SHANK2: variants seen among roughly 807,000 people sequenced by gnomAD.
SHANK2 encodes the protein SH3 and multiple ankyrin repeat domains protein 2.
In SHANK2, 43 loss-of-function variants were observed where a neutral mutation model predicts 133.7. The observed-to-expected ratio is 0.32, with a 90% CI of 0.25 to 0.41. The LOEUF (loss-of-function observed/expected upper bound fraction) is 0.41. Among genes scored for constraint, SHANK2 ranks in the 10% least tolerant of loss-of-function variants. The pLI, the probability that SHANK2 is intolerant of heterozygous loss-of-function variation, is 1.00. For missense variants in SHANK2, 1,994 were observed against 2,235.8 expected, an observed-to-expected ratio of 0.89 and a Z score of 2.18; for synonymous variants, 1,017 against 952.8, an observed-to-expected ratio of 1.07 and a Z score of -1.24.
At chr11:70,769,218 G>A (rs1947191542) in intron 14 of SHANK2, among the ~76,000 whole-genome samples, 1 of 152,202 alleles carries the variant, frequency 6.6e-6, no homozygotes, top group Non-Finnish European at 1.5e-5. Flanking sequence ...CGGAGCGAGT[G>A]CAGCCCATCA....
At chr11:70,681,796 A>AC (rs1313354936) in intron 15 of SHANK2, among the ~76,000 whole-genome samples, 1 of 151,896 alleles carries the variant, frequency 6.6e-6, no homozygotes, top group Non-Finnish European at 1.5e-5. Context: ...CCACAGAGAA[A>AC]CCCCTTTCTG....
intron 2 of SHANK2, among the ~76,000 whole-genome samples, chr11:71,168,402 T>C (rs1316246932): frequency 1.3e-5 from 2 of 150,852 alleles, no homozygotes; most frequent in Non-Finnish European, 3.0e-5. Context: ...GCAGAGACGC[T>C]CCTCACTTCC....
chr11:71,142,923 G>A (rs1489507532), intron 3 of SHANK2, among the ~76,000 whole-genome samples: 3 of 152,084 alleles, frequency 2.0e-5, no homozygotes, highest in African/African-American at 4.8e-5. Flanking sequence ...CCCCACAGAC[G>A]GGAAATTGTG....
At chr11:71,223,267 C>T (rs1420296753) in intron 2 of SHANK2, among the ~76,000 whole-genome samples, 3 of 152,206 alleles carry the variant, frequency 2.0e-5, no homozygotes, top group Non-Finnish European at 2.9e-5. Context: ...TCCTGCCTGC[C>T]GCGTTTAGGA....
chr11:70,684,138 C>T (rs370395331), intron 15 of SHANK2, among the ~76,000 whole-genome samples: 3 of 152,204 alleles, frequency 2.0e-5, no homozygotes, highest in African/African-American at 4.8e-5. Context: ...AGACCTGGGT[C>T]CCTGTCCCTG....
intron 6 of SHANK2, among the ~76,000 whole-genome samples, chr11:71,101,626 TG>T (rs1478641409): frequency 6.6e-6 from 1 of 152,228 alleles, no homozygotes; most frequent in Non-Finnish European, 1.5e-5. Context: ...CCGTTAGTTC[TG>T]GGGAATCGCA....
chr11:70,787,597 C>T lies in SHANK2; in HGVS notation c.1777+10846G>A, dbSNP rs564660997. ...CCACCACCAGCATCACTACCATCATCGCCATGAGCACCACCACCAGCATCA... is the reference window on the plus strand; with the variant it reads ...CCACCACCAGCATCACTACCATCATTGCCATGAGCACCACCACCAGCATCA... On this transcript the variant is annotated intron_variant, in intron 14 of 25. Coordinates refer to ENST00000601538, the MANE Select transcript of SHANK2 (RefSeq NM_012309.5). Among the ~76,000 whole-genome samples the T allele has an allele frequency of 1.4e-3, 210 of 151,972 alleles. 1 individual carries two copies. Among genetic ancestry groups the T allele is most frequent in the Admixed American group, 0.011 (168 of 15,274 alleles).
intron 11 of SHANK2, among the ~76,000 whole-genome samples, chr11:70,858,212 C>A (rs1949200282): frequency 6.6e-6 from 1 of 152,238 alleles, no homozygotes; most frequent in Non-Finnish European, 1.5e-5. Flanking sequence ...TGTTCATAAT[C>A]CATTTTAAAT....
At position 70,702,436 on chromosome 11, in the gene SHANK2, CCAA is replaced by C. The variant is rs548685578; in HGVS notation, c.1778-3676_1778-3674del. Among the ~76,000 whole-genome samples, 406 of 151,778 alleles carry C rather than the reference CCAA, an allele frequency of 2.7e-3. 2 individuals are homozygous for C. The highest frequency in any genetic ancestry group is 4.6e-3 in the Admixed American group (70 of 15,244). On this transcript the variant is annotated intron_variant, in intron 14 of 25. Coordinates refer to ENST00000601538, the MANE Select transcript of SHANK2 (RefSeq NM_012309.5). ...ATCATCATCATCACCACCATCACCACCAACATCATCACCACCATCATCACTATC... is the reference window on the plus strand; with the variant it reads ...ATCATCATCATCACCACCATCACCACCATCATCACCACCATCATCACTATC...
At position 70,820,474 on chromosome 11, in the gene SHANK2, C is replaced by T. The variant is rs782599530; in HGVS notation, c.1383G>A (p.Ala461=). ...QQMPSKPEGA[A]KTIGSYVPGP... is the part of the protein sequence containing the mutation. ...CGGGCACGTAGCTCCCAATGGTCTT[C>T]GCGGCCCCCTCGGGCTTGCTGGGCA... Residue 461 remains alanine, a synonymous_variant, in exon 12 of 26, where the codon GCG becomes GCA. Coordinates refer to ENST00000601538, the MANE Select transcript of SHANK2 (RefSeq NM_012309.5). 23 of 716,758 alleles carry T rather than the reference C, an allele frequency of 3.2e-5. No individual in the cohort carries two copies. The highest frequency in any genetic ancestry group is 2.4e-4 in the South Asian group (16 of 67,544). The allele number at this position is 716,758 out of a possible 1,614,324, so 44.4% of individuals were successfully genotyped here. A position where few individuals can be genotyped will look rare whatever the true frequency, so the allele number is the denominator to read the frequency against.
Position 70,860,689 on chromosome 11 carries a change from T to C in SHANK2, c.1174+35812A>G, listed in dbSNP as rs181608635. ...CTCTCAAAGTCATAAAAGTATAAAA[T>C]GAAATGCGAGCATGCATTTATAGTT... On this transcript the variant is annotated intron_variant, in intron 11 of 25. Transcript: ENST00000601538. Among the ~76,000 whole-genome samples the C allele has an allele frequency of 8.5e-5, 13 of 152,262 alleles. No homozygotes were observed. In the East Asian group the frequency reaches 2.5e-3, roughly 29 times the overall value.
At chr11:71,169,007 A>C (rs1286340781) in intron 2 of SHANK2, among the ~76,000 whole-genome samples, 1 of 152,246 alleles carries the variant, frequency 6.6e-6, no homozygotes, top group Non-Finnish European at 1.5e-5. Context: ...CGGTTGGTGC[A>C]AAAGTAATTG....
intron 17 of SHANK2, among the ~76,000 whole-genome samples, chr11:70,591,908 A>G (rs1304275934): frequency 6.6e-6 from 1 of 151,884 alleles, no homozygotes; most frequent in African/African-American, 2.4e-5. Context: ...AGTCCCAGCT[A>G]CTCGGGAGGC....
At chr11:71,073,963 G>A (rs1951184822) in intron 9 of SHANK2, among the ~76,000 whole-genome samples, 1 of 152,200 alleles carries the variant, frequency 6.6e-6, no homozygotes, top group African/African-American at 2.4e-5. Flanking sequence ...GCTACAGAGG[G>A]TGGACAAGAG....
chr11:70,955,223 C>T (rs553425320), intron 10 of SHANK2, among the ~76,000 whole-genome samples: 59 of 152,282 alleles, frequency 3.9e-4, no homozygotes, highest in Non-Finnish European at 7.6e-4. Context: ...CTGTTGAATA[C>T]AGCCTGGAGA....
chr11:71,251,035 G>A (rs894900187), intron 1 of SHANK2, among the ~76,000 whole-genome samples: 4 of 152,048 alleles, frequency 2.6e-5, no homozygotes, highest in Non-Finnish European at 5.9e-5. Context: ...GGCCTCTGAG[G>A]ACGCCCAGGC....
At chr11:70,803,286 ACATCCATC>A (rs1164034336) in intron 13 of SHANK2, among the ~76,000 whole-genome samples, 2 of 10,732 alleles carry the variant, frequency 1.9e-4, no homozygotes, top group African/African-American at 3.5e-4. Context: ...ACTCAACCGC[ACATCCATC>A]CATCCATCCA....
In SHANK2 at chr11:71,156,829, T is replaced by G. The variant is rs1952915348; in HGVS notation, c.-12-9491A>C. Among the ~76,000 whole-genome samples the G allele has an allele frequency of 1.3e-5, 2 of 152,208 alleles. 1 individual carries two copies. Among genetic ancestry groups the G allele is most frequent in the South Asian group, 4.1e-4 (2 of 4,828 alleles). ...AGACATTCTTTTCCCCTGGGGCTCA[T>G]AAACAATCTCCCACAACAGGAAGAG... On this transcript the variant is annotated intron_variant, in intron 2 of 25. Transcript: ENST00000601538.
chr11:70,586,444 C>T (rs114695577), intron 17 of SHANK2, among the ~76,000 whole-genome samples: 551 of 152,228 alleles, frequency 3.6e-3, no homozygotes, highest in African/African-American at 0.012. Flanking sequence ...TCTCTTAAGG[C>T]GTGGCCGGGG....
Sources: gnomAD v4.1 joint callset for allele counts (sites outside exome capture counted in the v4.1 genomes callset) on GRCh38, gnomAD v4.1.1 for gene constraint, MANE v1.5 for transcripts, NCBI Gene and HGNC (gene_info 2026-07-23, HGNC 2026-07-21) for gene names.